TNFRSF10D: variants seen among roughly 807,000 people sequenced by gnomAD.
TNFRSF10D encodes the protein TNF receptor superfamily member 10d, also known as tumor necrosis factor receptor superfamily member 10D.
Under a neutral mutation model 42.1 loss-of-function variants are expected in TNFRSF10D, and 28 were observed. That is an observed-to-expected ratio of 0.66 (90% CI 0.49 to 0.91). The LOEUF is 0.91. Among genes scored for constraint, TNFRSF10D ranks in the 40% least tolerant of loss-of-function variants. The pLI is 0.00. For synonymous variants in TNFRSF10D, 186 were observed against 189.4 expected, an observed-to-expected ratio of 0.98 and a Z score of 0.15; for missense variants, 503 against 486.1, an observed-to-expected ratio of 1.03 and a Z score of -0.33.
chr8:23,154,891 T>C lies in TNFRSF10D; in HGVS notation c.239A>G (p.Glu80Gly), dbSNP rs758792877. The C allele has an allele frequency of 1.9e-6, 3 of 1,613,848 alleles. No homozygotes were observed. The highest frequency in any genetic ancestry group is 3.3e-5 in the Admixed American group (2 of 59,996). ...GAGTGCACCTGCTGGACACTCCTCC[T>C]CCTTGAGGCTGCGCCTCTGTTGCTG... is the stretch of plus-strand genomic sequence containing the variant. ...APQQQRRSLK[E>G]EECPAGSHRS... The change falls in exon 2 of 9, where the codon GAG (glutamate) becomes GGG (glycine). Residue 80 changes from glutamate (E) to glycine (G), a missense_variant. Coordinates refer to ENST00000312584, the MANE Select transcript of TNFRSF10D (RefSeq NM_003840.5).
At chr8:23,158,295 C>T (rs983139820) in intron 1 of TNFRSF10D, among the ~76,000 whole-genome samples, 1 of 152,198 alleles carries the variant, frequency 6.6e-6, no homozygotes, top group African/African-American at 2.4e-5. Context: ...CATACGGATT[C>T]GCCGCCTTCA....
chr8:23,144,403 C>A (rs1407363598), intron 7 of TNFRSF10D, 47 bp downstream of exon 7: 1 of 1,588,552 alleles, frequency 6.3e-7, no homozygotes. Flanking sequence ...CTACAAAGTC[C>A]TGTGCAGGCT....
intron 4 of TNFRSF10D, 85 bp from the exon 5 acceptor site, chr8:23,146,006 AAG>A: frequency 6.3e-7 from 1 of 1,594,134 alleles, no homozygotes; most frequent in Admixed American, 1.7e-5. Flanking sequence ...TCCCTGCCCA[AAG>A]TCCCTGAGAA....
At chr8:23,160,242 G>A (rs927702143) in intron 1 of TNFRSF10D, among the ~76,000 whole-genome samples, 1 of 152,184 alleles carries the variant, frequency 6.6e-6, no homozygotes, top group Admixed American at 6.5e-5. Context: ...AGAGCTCATT[G>A]TCTATTTCCT....
intron 1 of TNFRSF10D, among the ~76,000 whole-genome samples, chr8:23,161,567 T>A (rs1366184374): frequency 6.6e-6 from 1 of 152,188 alleles, no homozygotes; most frequent in Non-Finnish European, 1.5e-5. Context: ...CAGCTGGGAA[T>A]TCAGTCTTCC....
chr8:23,145,162 G>C (rs906934822), intron 5 of TNFRSF10D, 73 bp from the exon 6 acceptor site: 1 of 1,595,370 alleles, frequency 6.3e-7, no homozygotes, highest in African/African-American at 1.3e-5. Flanking sequence ...GGACAGTGGG[G>C]CGCAGGGCTG....
chr8:23,136,455 T>A lies in TNFRSF10D; in HGVS notation c.*1415A>T, dbSNP rs908087307. ...GACCACCAGAAGCGAGAGGGGCCCATCCATGCCTGAGTCGGCAACCATTTC... is the reference window on the plus strand; with the variant it reads ...GACCACCAGAAGCGAGAGGGGCCCAACCATGCCTGAGTCGGCAACCATTTC... On this transcript the variant is annotated 3_prime_UTR_variant, in exon 9 of 9. Coordinates refer to ENST00000312584, the MANE Select transcript of TNFRSF10D (RefSeq NM_003840.5). The A allele has an allele frequency of 2.9e-5, 5 of 172,092 alleles. No individual in the cohort carries two copies. The highest frequency in any genetic ancestry group is 4.9e-5 in the Non-Finnish European group (4 of 81,212). The allele number at this position is 172,092 out of a possible 1,614,324, so 10.7% of individuals were successfully genotyped here.
intron 1 of TNFRSF10D, among the ~76,000 whole-genome samples, chr8:23,158,992 T>C (rs571140690): frequency 5.1e-3 from 778 of 151,936 alleles, no homozygotes; most frequent in African/African-American, 0.016. Context: ...CCAGCAATGC[T>C]TCTTCTGCTT....
chr8:23,148,089 A>G (rs1800149890), intron 3 of TNFRSF10D, among the ~76,000 whole-genome samples: 1 of 149,774 alleles, frequency 6.7e-6, no homozygotes, highest in Admixed American at 6.6e-5. Context: ...AAAAAAAAAA[A>G]ATTAGCTGGG....
intron 1 of TNFRSF10D, among the ~76,000 whole-genome samples, chr8:23,162,514 G>GT (rs1042813118): frequency 7.2e-5 from 11 of 151,818 alleles, no homozygotes; most frequent in African/African-American, 2.7e-4. Flanking sequence ...TCCCCGTTTT[G>GT]TTTTTTGGTA....
chr8:23,138,779 C>T (rs1585256591), intron 7 of TNFRSF10D, among the ~76,000 whole-genome samples: 1 of 152,238 alleles, frequency 6.6e-6, no homozygotes, highest in East Asian at 1.9e-4. Flanking sequence ...GCTGGAAAGA[C>T]ATTTGGTAAA....
chr8:23,140,283 T>C (rs182832457), intron 7 of TNFRSF10D, among the ~76,000 whole-genome samples: 54 of 151,916 alleles, frequency 3.6e-4, no homozygotes, highest in Admixed American at 8.5e-4. Flanking sequence ...AGCAAGACTC[T>C]GTCTCAAAAA....
At position 23,137,847 on chromosome 8, in the gene TNFRSF10D, T is replaced by C. The variant is rs1035397495; in HGVS notation, c.*23A>G. The C allele has an allele frequency of 3.1e-6, 5 of 1,603,684 alleles. No homozygotes were observed. Among genetic ancestry groups the C allele is most frequent in the Admixed American group, 1.7e-5 (1 of 57,532 alleles). On this transcript the variant is annotated 3_prime_UTR_variant, in exon 9 of 9. Transcript: ENST00000312584. The stretch of plus-strand genomic sequence containing the variant: ...AGGAGAAAAGGTAAATGAGGGAAGC[T>C]CTGGTTTCCTGAAGAGATTCTTTCA...
rs1800081107 is a variant in TNFRSF10D at position 23,144,479 on chromosome 8, C to G, written c.925G>C (p.Glu309Gln). The change falls in exon 7 of 9, where the codon GAG becomes CAG. Residue 309 changes from glutamate (E) to glutamine (Q), a missense_variant. Coordinates refer to ENST00000312584, the MANE Select transcript of TNFRSF10D (RefSeq NM_003840.5). Reference protein sequence around the residue: ...ELAELTGVTVELPEEPQRLLE... With the variant: ...ELAELTGVTVQLPEEPQRLLE... ...AGACGCTGTGGCTCCTCTGGCAACTCTACAGTCACACCTGTTAGCTCTGCC... is the reference window on the plus strand; with the variant it reads ...AGACGCTGTGGCTCCTCTGGCAACTGTACAGTCACACCTGTTAGCTCTGCC... The G allele has an allele frequency of 1.2e-6, 2 of 1,614,206 alleles. No individual in the cohort carries two copies. Among genetic ancestry groups the G allele is most frequent in the Admixed American group, 1.7e-5 (1 of 60,032 alleles).
chr8:23,158,196 G>A (rs994762371), intron 1 of TNFRSF10D, among the ~76,000 whole-genome samples: 2 of 151,992 alleles, frequency 1.3e-5, no homozygotes, highest in Non-Finnish European at 2.9e-5. Context: ...CTCCTGCTCT[G>A]AAACTTGCCT....
chr8:23,136,823 C>T lies in TNFRSF10D; in HGVS notation c.*1047G>A, dbSNP rs1035059219. The T allele has an allele frequency of 2.6e-5, 4 of 151,680 alleles. No homozygotes were observed. The highest frequency in any genetic ancestry group is 4.8e-5 in the African/African-American group (2 of 41,294). 9.4% of individuals were successfully genotyped at this position (151,680 alleles called of 1,614,324 possible). A position where few individuals can be genotyped will look rare whatever the true frequency, so the allele number is the denominator to read the frequency against. On this transcript the variant is annotated 3_prime_UTR_variant, in exon 9 of 9. Transcript: ENST00000312584. ...AATATTTATTTATAAATAAATATGG[C>T]TATATACCTCTAAAATTAACAAGTA...
chr8:23,162,217 G>C (rs114677869), intron 1 of TNFRSF10D, among the ~76,000 whole-genome samples: 2 of 152,202 alleles, frequency 1.3e-5, no homozygotes, highest in African/African-American at 4.8e-5. Context: ...TTGATGGAGG[G>C]ATCAAAGCCT....
At chr8:23,141,608 T>C (rs28839321) in intron 7 of TNFRSF10D, among the ~76,000 whole-genome samples, 6,653 of 151,368 alleles carry the variant, frequency 0.044, 510 homozygotes, top group African/African-American at 0.15. Flanking sequence ...AGGAGCCATA[T>C]GCAACTTAAA....
At chr8:23,158,792 T>A (rs557228361) in intron 1 of TNFRSF10D, among the ~76,000 whole-genome samples, 951 of 152,276 alleles carry the variant, frequency 6.2e-3, no homozygotes, top group African/African-American at 0.019. Flanking sequence ...AAGGTTTTTT[T>A]AAAATAGATT....
Sources: gnomAD v4.1 joint callset for allele counts (sites outside exome capture counted in the v4.1 genomes callset) on GRCh38, gnomAD v4.1.1 for gene constraint, MANE v1.5 for transcripts, NCBI Gene and HGNC (gene_info 2026-07-23, HGNC 2026-07-21) for gene names.